CFAP54: variants seen among roughly 807,000 people sequenced by gnomAD.
The protein encoded by CFAP54 is cilia- and flagella-associated protein 54.
Under a neutral mutation model 370.4 loss-of-function variants are expected in CFAP54, and 290 were observed. The observed-to-expected ratio is 0.78, with a 90% CI of 0.71 to 0.86. The LOEUF (loss-of-function observed/expected upper bound fraction) is 0.86, where lower values mean the gene tolerates loss of function less well. CFAP54 is among the 40% of genes least tolerant of loss of function. The pLI is 0.00. For synonymous variants in CFAP54, 1,206 were observed against 1,236.5 expected (o/e 0.98, Z 0.52); for missense variants, 3,399 against 3,528.7 (o/e 0.96, Z 0.93).
chr12:96,767,842 A>G (rs1244742496), intron 60 of CFAP54, among the ~76,000 whole-genome samples: 1 of 140,732 alleles, frequency 7.1e-6, no homozygotes, highest in East Asian at 2.1e-4. Flanking sequence ...TTTAAACAAT[A>G]CTAGCATTGA....
intron 5 of CFAP54, among the ~76,000 whole-genome samples, chr12:96,514,549 G>GT (rs1441836487): frequency 6.6e-6 from 1 of 152,188 alleles, no homozygotes; most frequent in African/African-American, 2.4e-5. Context: ...TGCGCTTGGT[G>GT]TAACAACAAC....
chr12:96,811,819 C>T lies in CFAP54; in HGVS notation c.8934C>T (p.Gly2978=). The T allele has an allele frequency of 6.6e-7, 1 of 1,509,606 alleles. No homozygotes were observed. Among genetic ancestry groups the T allele is most frequent in the Non-Finnish European group, 8.8e-7 (1 of 1,136,256 alleles). The allele number at this position is 1,509,606 out of a possible 1,614,324, so 93.5% of individuals were successfully genotyped here. A position where few individuals can be genotyped will look rare whatever the true frequency, so the allele number is the denominator to read the frequency against. Reference sequence around the variant, plus strand: ...CCACTTATAACAGTACATGTGTTGGCTCTTTATGGATTCCACTGAATAGGC... The same window carrying T: ...CCACTTATAACAGTACATGTGTTGGTTCTTTATGGATTCCACTGAATAGGC... The part of the protein sequence containing the change: ...RHSTYNSTCV[G]SLWIPLNRVI... Residue 2978 remains glycine (G), a synonymous_variant, in exon 64 of 68, where the codon GGC becomes GGT. Transcript: ENST00000524981.
intron 39 of CFAP54, among the ~76,000 whole-genome samples, chr12:96,664,699 A>ATATATATATATATCTATATATATC (rs1555282976): frequency 0.031 from 234 of 7,512 alleles, 11 homozygotes; most frequent in Non-Finnish European, 0.048. Context: ...GTATATATCT[A>ATATATATATATATCTATATATATC]TATATATATA....
chr12:96,735,877 A>AAT (rs981923298), intron 50 of CFAP54, among the ~76,000 whole-genome samples: 7 of 152,212 alleles, frequency 4.6e-5, no homozygotes, highest in African/African-American at 1.7e-4. Flanking sequence ...TCTAAACCAG[A>AAT]ATATATATAT....
chr12:96,684,290 C>T (rs1288138976), intron 40 of CFAP54, among the ~76,000 whole-genome samples: 2 of 152,126 alleles, frequency 1.3e-5, no homozygotes, highest in African/African-American at 4.8e-5. Flanking sequence ...CTCAGTTCAC[C>T]CTCTCCAGAA....
At chr12:96,706,022 T>TATTA (rs1335227995) in intron 47 of CFAP54, among the ~76,000 whole-genome samples, 8 of 152,094 alleles carry the variant, frequency 5.3e-5, no homozygotes, top group Non-Finnish European at 1.2e-4. Flanking sequence ...CTGCCTTATG[T>TATTA]ATTAATTCAA....
At chr12:96,847,486 A>G (rs1230827851) in intron 66 of CFAP54, among the ~76,000 whole-genome samples, 1 of 152,236 alleles carries the variant, frequency 6.6e-6, no homozygotes, top group Non-Finnish European at 1.5e-5. Flanking sequence ...CCTACCCCTT[A>G]GTATATAAAA....
At chr12:96,598,953 T>A (rs1956209146) in intron 26 of CFAP54, among the ~76,000 whole-genome samples, 186 bp downstream of exon 26, 1 of 152,084 alleles carries the variant, frequency 6.6e-6, no homozygotes, top group South Asian at 2.1e-4. Flanking sequence ...TTGATGAAAC[T>A]GTGGTGCTTC....
At chr12:96,596,571 C>T (rs927370262) in intron 25 of CFAP54, among the ~76,000 whole-genome samples, 7 of 151,930 alleles carry the variant, frequency 4.6e-5, no homozygotes, top group African/African-American at 1.7e-4. Context: ...ACAAAAAGTC[C>T]AGATTTATCA....
chr12:96,531,620 A>G (rs894336509), intron 9 of CFAP54, among the ~76,000 whole-genome samples: 5 of 152,042 alleles, frequency 3.3e-5, no homozygotes, highest in African/African-American at 7.2e-5. Flanking sequence ...AGCTTCCTCT[A>G]TCTGATTTTT....
At chr12:96,546,600 A>G (rs1477153844) in intron 14 of CFAP54, among the ~76,000 whole-genome samples, 5 of 152,168 alleles carry the variant, frequency 3.3e-5, no homozygotes, top group African/African-American at 1.2e-4. Context: ...AGGCCAAGCC[A>G]GGTGGACCAC....
chr12:96,500,698 T>C (rs1340481569), intron 1 of CFAP54, 136 bp from the exon 2 acceptor site: 2 of 517,002 alleles, frequency 3.9e-6, no homozygotes, highest in African/African-American at 3.8e-5. Flanking sequence ...TTACATTTAT[T>C]ATTAATAATT....
chr12:96,586,696 A>G (rs986096810), intron 22 of CFAP54, among the ~76,000 whole-genome samples: 5 of 152,166 alleles, frequency 3.3e-5, no homozygotes, highest in African/African-American at 1.2e-4. Context: ...CTAAGGTGTG[A>G]GTGGGTAGAT....
At chr12:96,656,139 C>T (rs963560083) in intron 36 of CFAP54, among the ~76,000 whole-genome samples, 1 of 152,056 alleles carries the variant, frequency 6.6e-6, no homozygotes, top group Admixed American at 6.6e-5. Flanking sequence ...TCACACATGG[C>T]CCATACAAAA....
intron 38 of CFAP54, among the ~76,000 whole-genome samples, chr12:96,659,507 G>A (rs1424281369): frequency 1.3e-5 from 2 of 151,908 alleles, no homozygotes; most frequent in African/African-American, 4.8e-5. Flanking sequence ...TAACTTTCAG[G>A]GCAAATAAAA....
intron 60 of CFAP54, among the ~76,000 whole-genome samples, chr12:96,779,069 C>T (rs1032777806): frequency 3.4e-5 from 5 of 147,904 alleles, no homozygotes; most frequent in African/African-American, 1.0e-4. Context: ...ATCGTGCCAT[C>T]GCACTCCAGC....
In CFAP54 at chr12:96,516,719, T is replaced by C. The variant is rs531057446; in HGVS notation, c.799-2209T>C. Among the ~76,000 whole-genome samples the C allele has an allele frequency of 4.4e-3, 665 of 152,356 alleles. 3 individuals are homozygous for C. The highest frequency in any genetic ancestry group is 6.9e-3 in the Non-Finnish European group (467 of 68,036). ...AGAATCTGTTCATTCTAAGAAACGA[T>C]TGATTTCTGTTTCATTTTACTATGA... On this transcript the variant is annotated intron_variant, in intron 5 of 67. Coordinates refer to ENST00000524981, the MANE Select transcript of CFAP54 (RefSeq NM_001306084.2).
intron 51 of CFAP54, among the ~76,000 whole-genome samples, chr12:96,740,980 C>A (rs1343080072): frequency 6.6e-6 from 1 of 152,144 alleles, no homozygotes; most frequent in African/African-American, 2.4e-5. Context: ...GGTTGAGAAA[C>A]CCTGATTGAG....
chr12:96,547,988 C>T lies in CFAP54; in HGVS notation c.2154+10C>T. On this transcript the variant is annotated intron_variant, in intron 15 of 67. Transcript: ENST00000524981. ...TCTTCCAATATTACAGGTATTACTA[C>T]ATATTTAGAAAATTTAGGTGAAACA... 7.4e-7 allele frequency: 1 copy of T among 1,355,452 alleles called. No homozygotes were observed. The highest frequency in any genetic ancestry group is 1.5e-5 in the South Asian group (1 of 68,682). 84.0% of individuals were successfully genotyped at this position (1,355,452 alleles called of 1,614,324 possible).
Sources: gnomAD v4.1 joint callset for allele counts (sites outside exome capture counted in the v4.1 genomes callset) on GRCh38, gnomAD v4.1.1 for gene constraint, MANE v1.5 for transcripts, NCBI Gene and HGNC (gene_info 2026-07-23, HGNC 2026-07-21) for gene names.